TTC24: variants seen among roughly 807,000 people sequenced by gnomAD.
TTC24 encodes tetratricopeptide repeat domain 24.
TTC24 carries 54 observed loss-of-function variants against 63.3 expected under a neutral mutation model. The observed-to-expected ratio is 0.85, with a 90% CI of 0.69 to 1.07. TTC24 has a LOEUF of 1.07. TTC24 is among the 50% of genes least tolerant of loss of function. The pLI is 0.00. For missense variants in TTC24, 680 were observed against 730.5 expected, an observed-to-expected ratio of 0.93 and a Z score of 0.80; for synonymous variants, 276 against 304.3, an observed-to-expected ratio of 0.91 and a Z score of 0.97.
intron 8 of TTC24, 196 bp downstream of exon 8, chr1:156,585,427 C>G: frequency 1.7e-6 from 1 of 599,504 alleles, no homozygotes; most frequent in South Asian, 2.0e-5. Context: ...CAACAGCCCT[C>G]CCATGATTTC....
chr1:156,585,640 A>C, intron 8 of TTC24, 73 bp from the exon 9 acceptor site: 1 of 1,082,390 alleles, frequency 9.2e-7, no homozygotes, highest in Non-Finnish European at 1.4e-6. Flanking sequence ...TCCCACAAAG[A>C]CTTGCAACTC....
At position 156,581,554 on chromosome 1, in the gene TTC24, CT is replaced by C; in HGVS notation, c.192del (p.Leu65TrpfsTer108). The C allele has an allele frequency of 6.4e-7, 1 of 1,551,268 alleles. No homozygotes were observed. The highest frequency in any genetic ancestry group is 8.7e-7 in the Non-Finnish European group (1 of 1,146,776). On this transcript the variant is annotated frameshift_variant, in exon 2 of 11. Transcript: ENST00000368236. LOFTEE classifies it high-confidence loss of function. ...EALNNFQRAF[L>X]LASKAPQTRD... Reference sequence around the variant, plus strand: ...CTTGAACAACTTCCAGAGGGCCTTCCTTCTGGCCTCCAAGGCCCCACAAACC... The same window carrying C: ...CTTGAACAACTTCCAGAGGGCCTTCCTCTGGCCTCCAAGGCCCCACAAACC...
In TTC24 at chr1:156,583,968, A is replaced by G; in HGVS notation, c.1251+73A>G. ...CAGAGAAGGGGTTGGTGGTAAGCAG[A>G]GACGCTGTTCCCTGGGATGCTGCGC... On this transcript the variant is annotated intron_variant, in intron 6 of 10. Coordinates refer to ENST00000368236, the MANE Select transcript of TTC24 (RefSeq NM_001105669.4). The surrounding 1 kb of genome is among the most constrained non-coding windows in gnomAD (Gnocchi z 4.0). 7.4e-7 allele frequency: 1 copy of G among 1,346,402 alleles called. No homozygotes were observed. Among genetic ancestry groups the G allele is most frequent in the Non-Finnish European group, 1.0e-6 (1 of 962,666 alleles). 83.4% of individuals were successfully genotyped at this position (1,346,402 alleles called of 1,614,324 possible). A position where few individuals can be genotyped will look rare whatever the true frequency, so the allele number is the denominator to read the frequency against.
chr1:156,585,965 C>T lies in TTC24; in HGVS notation c.1587C>T (p.Ala529=), dbSNP rs1325011139. 1.2e-6 allele frequency: 2 copies of T among 1,600,154 alleles called. No homozygotes were observed. Among genetic ancestry groups the T allele is most frequent in the Non-Finnish European group, 1.7e-6 (2 of 1,172,930 alleles). Residue 529 remains alanine, a synonymous_variant, in exon 10 of 11, where the codon GCC becomes GCT. Transcript: ENST00000368236. ...KASIYSPGPR[A]HLPFVGPGPP... ...TCCATCTAGGTCCAGGACCCAGGGC[C>T]CATCTTCCATTTGTAGGTCCAGGCC...
Position 156,587,159 on chromosome 1 carries a change from TCAGGCCCCACCC to T in TTC24, c.*610_*621del, listed in dbSNP as rs1677198455. Among the ~76,000 whole-genome samples, 1 of 150,712 alleles carries T rather than the reference TCAGGCCCCACCC, an allele frequency of 6.6e-6. No individual in the cohort carries two copies. The highest frequency in any genetic ancestry group is 1.5e-5 in the Non-Finnish European group (1 of 67,570). ...CCCCACCCTATTCTAGGTGCTTAGC[TCAGGCCCCACCC>T]TATTCTAGGTGCTTAGCTCATGCCC... On this transcript the variant is annotated 3_prime_UTR_variant, in exon 11 of 11. Coordinates refer to ENST00000368236, the MANE Select transcript of TTC24 (RefSeq NM_001105669.4).
rs1402073470 is a variant in TTC24 at position 156,586,588 on chromosome 1, C to A, written c.*38C>A. The A allele has an allele frequency of 6.3e-7, 1 of 1,579,256 alleles. No homozygotes were observed. On this transcript the variant is annotated 3_prime_UTR_variant, in exon 11 of 11. Coordinates refer to ENST00000368236, the MANE Select transcript of TTC24 (RefSeq NM_001105669.4). The stretch of plus-strand genomic sequence containing the variant: ...AGCCTCAGCCCTCATCCCTGAAGCA[C>A]CTGTCCAACACGCACACACTAGGGG...
chr1:156,583,713 T>G lies in TTC24; in HGVS notation c.1153-84T>G, dbSNP rs1173987507. ...AAACAAAGCCCCCCTCCCCCCTCCC[T>G]TTCCTGTTTCCTTCTTCCCCAACCC... On this transcript the variant is annotated intron_variant, in intron 5 of 10. Transcript: ENST00000368236. The surrounding 1 kb of genome is among the most constrained non-coding windows in gnomAD (Gnocchi z 4.0). 91 of 420,106 alleles carry G rather than the reference T, an allele frequency of 2.2e-4. No individual in the cohort carries two copies. Among genetic ancestry groups the G allele is most frequent in the Non-Finnish European group, 3.3e-4 (78 of 234,608 alleles). The allele number at this position is 420,106 out of a possible 1,614,324, so 26.0% of individuals were successfully genotyped here. A position where few individuals can be genotyped will look rare whatever the true frequency, so the allele number is the denominator to read the frequency against.
In TTC24 at chr1:156,583,337, G is replaced by A; in HGVS notation, c.1040-1G>A. 2 of 1,612,778 alleles carry A rather than the reference G, an allele frequency of 1.2e-6. No individual in the cohort carries two copies. Among genetic ancestry groups the A allele is most frequent in the Non-Finnish European group, 1.7e-6 (2 of 1,179,340 alleles). ...GACCTTCCAGGCTCTCTTTCTCTCA[G>A]GGGACATGAAGGGACAGTGGCAGGC... On this transcript the variant is annotated splice_acceptor_variant, in intron 4 of 10. Transcript: ENST00000368236. LOFTEE classifies it high-confidence loss of function. This position sits in a 1 kb window ranked among gnomAD's most constrained non-coding sequence, Gnocchi z 4.0.
intron 1 of TTC24, among the ~76,000 whole-genome samples, chr1:156,580,457 G>A (rs2102466861): frequency 6.6e-6 from 1 of 152,188 alleles, no homozygotes; most frequent in African/African-American, 2.4e-5. Context: ...GAGAGGCCCT[G>A]CATATGCGGT....
chr1:156,582,001 G>A lies in TTC24; in HGVS notation c.637G>A (p.Gly213Arg). The A allele has an allele frequency of 6.7e-7, 1 of 1,502,514 alleles. No individual in the cohort carries two copies. Among genetic ancestry groups the A allele is most frequent in the Non-Finnish European group, 8.9e-7 (1 of 1,128,130 alleles). 93.1% of individuals were successfully genotyped at this position (1,502,514 alleles called of 1,614,324 possible). ...GCTGAAGAGTGGGCGGCATCGGGTG[G>A]GGGAAGTTGTGCAGGTGCTGGAGAA... The part of the protein sequence containing the change: ...CMLKSGRHRV[G>R]EVVQVLEKSR... Residue 213 changes from glycine to arginine, a missense_variant, in exon 2 of 11, where the codon GGG (glycine) becomes AGG (arginine). Gly to Arg is a moderately radical substitution (Grantham distance 125, BLOSUM62 -2). Transcript: ENST00000368236.
Position 156,583,290 on chromosome 1 carries a change from G to A in TTC24, c.1040-48G>A, listed in dbSNP as rs777146963. 2 of 1,605,966 alleles carry A rather than the reference G, an allele frequency of 1.2e-6. No individual in the cohort carries two copies. Among genetic ancestry groups the A allele is most frequent in the East Asian group, 2.3e-5 (1 of 44,362 alleles). ...GGAGTGCCTCTGAGGGGGTGGATCA[G>A]TGGGGTAGGAAGTCATGAAAGGACC... On this transcript the variant is annotated intron_variant, in intron 4 of 10. Transcript: ENST00000368236. This position sits in a 1 kb window ranked among gnomAD's most constrained non-coding sequence, Gnocchi z 4.0.
Position 156,581,381 on chromosome 1 carries a change from C to G in TTC24, c.17C>G (p.Pro6Arg). The G allele has an allele frequency of 6.6e-7, 1 of 1,511,512 alleles. No individual in the cohort carries two copies. The allele number at this position is 1,511,512 out of a possible 1,614,324, so 93.6% of individuals were successfully genotyped here. The change falls in exon 2 of 11, where the codon CCT becomes CGT. Residue 6 changes from proline (P) to arginine (R), a missense_variant. Transcript: ENST00000368236. ...GTCAGCCCTATGTCTTCCCCCAACCCTGAGGATGTGCCCCGGAGGCCAGAA... is the reference window on the plus strand; with the variant it reads ...GTCAGCCCTATGTCTTCCCCCAACCGTGAGGATGTGCCCCGGAGGCCAGAA... MSSPN[P>R]EDVPRRPEPE...
At chr1:156,584,234 G>A (rs866450791) in intron 6 of TTC24, among the ~76,000 whole-genome samples, 3 of 152,292 alleles carry the variant, frequency 2.0e-5, no homozygotes, top group African/African-American at 4.8e-5. Flanking sequence ...TGTGCTCCAA[G>A]GAAGTCCCTC....
chr1:156,587,466 T>C lies in TTC24; in HGVS notation c.*916T>C, dbSNP rs1282475315. On this transcript the variant is annotated 3_prime_UTR_variant, in exon 11 of 11. Coordinates refer to ENST00000368236, the MANE Select transcript of TTC24 (RefSeq NM_001105669.4). ...TAAGCCCTTGCTTACCCAGAGTCCA[T>C]TGTGATTTAATATCAAGTGTGTCTA... 1.3e-5 allele frequency among the ~76,000 whole-genome samples: 2 copies of C among 152,180 alleles called. No individual in the cohort carries two copies. Among genetic ancestry groups the C allele is most frequent in the Non-Finnish European group, 2.9e-5 (2 of 68,028 alleles).
At position 156,583,879 on chromosome 1, in the gene TTC24, T is replaced by C. The variant is rs761677099; in HGVS notation, c.1235T>C (p.Val412Ala). 10 of 1,581,424 alleles carry C rather than the reference T, an allele frequency of 6.3e-6. No homozygotes were observed. Among genetic ancestry groups the C allele is most frequent in the Non-Finnish European group, 8.6e-6 (10 of 1,164,362 alleles). ...VRTRLAQVGLVQTHTLTSAPG... is the reference protein window; with the variant it reads ...VRTRLAQVGLAQTHTLTSAPG... ...ACGCGCTTGGCCCAGGTGGGGCTGG[T>C]CCAGACTCACACCCTGGTGAGATGA... Residue 412 changes from valine to alanine, a missense_variant, in exon 6 of 11, where the codon GTC becomes GCC. By Grantham distance (64) the Val-to-Ala change is moderately conservative. Transcript: ENST00000368236. The surrounding 1 kb of genome is among the most constrained non-coding windows in gnomAD (Gnocchi z 4.0).
At chr1:156,585,879 C>T in intron 9 of TTC24, 53 bp downstream of exon 9, 1 of 1,593,460 alleles carries the variant, frequency 6.3e-7, no homozygotes, top group East Asian at 2.2e-5. Context: ...TCTCTCAGAG[C>T]TTTTTTCCAC....
rs773667519 is a variant in TTC24, at chr1:156,585,218, G to A, written c.1443G>A (p.Pro481=). 19 of 1,611,264 alleles carry A rather than the reference G, an allele frequency of 1.2e-5. No homozygotes were observed. The highest frequency in any genetic ancestry group is 6.7e-5 in the East Asian group (3 of 44,864). Reference sequence around the variant, plus strand: ...CAAACGTTCCGGTGAGGGCTGGGCCGGGAAGACCAGAGCGTGAGTTGATGT... The same window carrying A: ...CAAACGTTCCGGTGAGGGCTGGGCCAGGAAGACCAGAGCGTGAGTTGATGT... ...RSANVPVRAG[P]GRPELCFLPG... The change falls in exon 8 of 11, where the codon CCG becomes CCA. Residue 481 remains proline, a synonymous_variant. Coordinates refer to ENST00000368236, the MANE Select transcript of TTC24 (RefSeq NM_001105669.4).
Position 156,581,753 on chromosome 1 carries a change from T to C in TTC24, c.389T>C (p.Leu130Pro). The change falls in exon 2 of 11, where the codon CTC (leucine) becomes CCC (proline). Residue 130 changes from leucine to proline, a missense_variant. By Grantham distance (98) the Leu-to-Pro change is moderately conservative. Coordinates refer to ENST00000368236, the MANE Select transcript of TTC24 (RefSeq NM_001105669.4). The stretch of plus-strand genomic sequence containing the variant: ...AATGTGGCTTTGGCCTACCATGCCC[T>C]CGGCGAGCTGCCTCAAGCTTTGGCC... ...CFNVALAYHA[L>P]GELPQALAWY... The C allele has an allele frequency of 6.4e-7, 1 of 1,551,706 alleles. No individual in the cohort carries two copies. Among genetic ancestry groups the C allele is most frequent in the African/African-American group, 1.4e-5 (1 of 73,186 alleles).
rs6682716 is a variant in TTC24 at position 156,582,056 on chromosome 1, A to G, written c.692A>G (p.Glu231Gly). ...KSRRLAERST[E>G]RRLLGHLYND... ...CGGAGGCTTGCCGAGAGGAGCACTG[A>G]GAGGCGACTGCTGGGTGAGACCTTC... The change falls in exon 2 of 11, where the codon GAG becomes GGG. Residue 231 changes from glutamate to glycine, a missense_variant. Transcript: ENST00000368236. The G allele has an allele frequency of 0.66, 974,787 of 1,468,978 alleles. 342,014 individuals are homozygous for G. Among genetic ancestry groups the G allele is most frequent in the Non-Finnish European group, 0.73 (815,203 of 1,109,638 alleles). 91.0% of individuals were successfully genotyped at this position (1,468,978 alleles called of 1,614,324 possible).
Sources: allele counts gnomAD v4.1 joint callset (sites outside exome capture counted in the v4.1 genomes callset), GRCh38; gene constraint gnomAD v4.1.1; non-coding constraint Gnocchi (gnomAD v3.1); transcripts MANE v1.5; gene names NCBI Gene and HGNC (gene_info 2026-07-23, HGNC 2026-07-21).